Variants in ASPRV1 observed in about 807,000 individuals in gnomAD.
The protein encoded by ASPRV1 is retroviral-like aspartic protease 1.
In ASPRV1, 7 loss-of-function variants were observed where a neutral mutation model predicts 11.0. The ratio of observed to expected loss-of-function variants is 0.64; its 90% CI spans 0.36 to 1.20. ASPRV1 has a LOEUF of 1.20. Among genes scored for constraint, ASPRV1 ranks in the 50% most tolerant of loss-of-function variants. ASPRV1 has a pLI of 0.02. For missense variants in ASPRV1, 299 were observed against 320.0 expected, an observed-to-expected ratio of 0.93 and a Z score of 0.50; for synonymous variants, 136 against 138.4, an observed-to-expected ratio of 0.98 and a Z score of 0.12.
At chr2:70,019,729 G>C in the ASPRV1 span, among the ~76,000 whole-genome samples, 1 of 152,134 alleles carries the variant, frequency 6.6e-6, no homozygotes, top group Non-Finnish European at 1.5e-5. Context: ...CATAGAAATA[G>C]AGAGTAAAAT....
At chr2:70,036,628 G>T in the ASPRV1 span, among the ~76,000 whole-genome samples, 3 of 152,058 alleles carry the variant, frequency 2.0e-5, no homozygotes, top group Non-Finnish European at 2.9e-5. Context: ...AAACACACAG[G>T]ATTCTGTTAC....
the ASPRV1 span, among the ~76,000 whole-genome samples, chr2:69,990,912 G>T: frequency 6.6e-6 from 1 of 152,108 alleles, no homozygotes; most frequent in Non-Finnish European, 1.5e-5. Context: ...GGTGTACCCT[G>T]GCAGAGAGGC....
At chr2:69,997,187 TAA>T in the ASPRV1 span, among the ~76,000 whole-genome samples, 10 of 136,080 alleles carry the variant, frequency 7.3e-5, no homozygotes, top group Non-Finnish European at 6.3e-5. Flanking sequence ...CCCAGTCTAT[TAA>T]AAAAAAAAAA....
the ASPRV1 span, among the ~76,000 whole-genome samples, chr2:69,973,825 T>A: frequency 1.8e-4 from 27 of 152,350 alleles, no homozygotes; most frequent in Non-Finnish European, 3.8e-4. Flanking sequence ...ATAACCTTCT[T>A]AAGTCTAGAT....
At chr2:70,006,038 G>A in the ASPRV1 span, among the ~76,000 whole-genome samples, 1 of 152,192 alleles carries the variant, frequency 6.6e-6, no homozygotes, top group Non-Finnish European at 1.5e-5. Context: ...CCTGTGCATT[G>A]TAGGATGTTT....
At chr2:70,042,535 A>C in the ASPRV1 span, among the ~76,000 whole-genome samples, 1 of 152,170 alleles carries the variant, frequency 6.6e-6, no homozygotes, top group East Asian at 1.9e-4. Context: ...TTCTAGGTAA[A>C]AGCCAAAATA....
chr2:69,996,216 A>C, the ASPRV1 span, among the ~76,000 whole-genome samples: 1,154 of 141,102 alleles, frequency 8.2e-3, 6 homozygotes, highest in African/African-American at 0.031. Flanking sequence ...CCATCTCTCA[A>C]AAAAAAAAAA....
chr2:69,951,441 AAGTG>A, the ASPRV1 span, among the ~76,000 whole-genome samples: 3 of 122,812 alleles, frequency 2.4e-5, no homozygotes, highest in Non-Finnish European at 4.9e-5. Flanking sequence ...AAAAAAAAAA[AAGTG>A]AGTGTGTGTG....
At chr2:69,951,673 T>C in the ASPRV1 span, among the ~76,000 whole-genome samples, 2 of 151,548 alleles carry the variant, frequency 1.3e-5, no homozygotes, top group African/African-American at 4.8e-5. Context: ...GCTTTTGCAA[T>C]TAAAAAAAAT....
the ASPRV1 span, among the ~76,000 whole-genome samples, chr2:69,972,122 C>T: frequency 1.3e-5 from 2 of 151,536 alleles, no homozygotes; most frequent in Admixed American, 6.6e-5. Flanking sequence ...AGTGCAGTGG[C>T]GCGATCTCGG....
the ASPRV1 span, among the ~76,000 whole-genome samples, chr2:70,007,377 C>T: frequency 2.6e-5 from 4 of 151,948 alleles, no homozygotes; most frequent in Non-Finnish European, 4.4e-5. Context: ...CAAAATGAGC[C>T]GGGCGTGTTG....
At position 69,960,483 on chromosome 2, in the gene ASPRV1, C is replaced by T; in HGVS notation, c.*174G>A. 1.5e-6 allele frequency: 1 copy of T among 673,830 alleles called. No individual in the cohort carries two copies. Among genetic ancestry groups the T allele is most frequent in the African/African-American group, 1.8e-5 (1 of 55,358 alleles). The allele number at this position is 673,830 out of a possible 1,614,324, so 41.7% of individuals were successfully genotyped here. A position where few individuals can be genotyped will look rare whatever the true frequency, so the allele number is the denominator to read the frequency against. ...CTCACCTGTGCCTGTTCAGTGGAAG[C>T]CTCCCCTACCAGGGGCAGATTAAGG... On this transcript the variant is annotated 3_prime_UTR_variant, in exon 1 of 1. Coordinates refer to ENST00000320256, the MANE Select transcript of ASPRV1 (RefSeq NM_152792.4).
chr2:69,955,085 C>G, the ASPRV1 span, among the ~76,000 whole-genome samples: 1 of 152,222 alleles, frequency 6.6e-6, no homozygotes, highest in African/African-American at 2.4e-5. Context: ...CAAGAGGCTT[C>G]CTTACCCGAG....
upstream of ASPRV1, chr2:69,962,199 GACACACAC>G (rs56262722): frequency 0.035 from 5,626 of 162,994 alleles, 239 homozygotes; most frequent in African/African-American, 0.098. Context: ...AGTGAGTGAG[GACACACAC>G]ACACACACAC....
chr2:69,942,129 T>A, the ASPRV1 span: 1 of 152,226 alleles, frequency 6.6e-6, no homozygotes, highest in Non-Finnish European at 1.5e-5. Flanking sequence ...ACGCAATTTC[T>A]TGCATGTCAA....
At chr2:69,966,319 T>C (rs1014726416), upstream of ASPRV1, among the ~76,000 whole-genome samples, 1 of 152,250 alleles carries the variant, frequency 6.6e-6, no homozygotes, top group African/African-American at 2.4e-5. Context: ...GCCCTCCGAA[T>C]TGGGTTTCTG....
chr2:70,083,983 T>C, the ASPRV1 span, among the ~76,000 whole-genome samples: 1 of 152,132 alleles, frequency 6.6e-6, no homozygotes, highest in Non-Finnish European at 1.5e-5. Context: ...CCAAGGTGTC[T>C]GTATGACATG....
At chr2:69,962,762 CGT>C (rs1678172930), upstream of ASPRV1, 1 of 163,730 alleles carries the variant, frequency 6.1e-6, no homozygotes, top group African/African-American at 2.4e-5. Flanking sequence ...CCTCGTTGAG[CGT>C]GTTTTACGGT....
chr2:70,040,707 C>T, the ASPRV1 span, among the ~76,000 whole-genome samples: 7 of 152,054 alleles, frequency 4.6e-5, no homozygotes, highest in Admixed American at 3.3e-4. Context: ...AGTGGCAGGC[C>T]CCTGTAATCT....
Sources: gnomAD v4.1 joint callset for allele counts (sites outside exome capture counted in the v4.1 genomes callset) on GRCh38, gnomAD v4.1.1 for gene constraint, MANE v1.5 for transcripts, NCBI Gene and HGNC (gene_info 2026-07-23, HGNC 2026-07-21) for gene names.